The following PAICS variants were observed in gnomAD, a reference collection of about 807,000 sequenced individuals.
PAICS encodes phosphoribosylaminoimidazole carboxylase and phosphoribosylaminoimidazolesuccinocarboxamide synthase.
Under a neutral mutation model 53.7 loss-of-function variants are expected in PAICS, and 33 were observed. The ratio of observed to expected loss-of-function variants is 0.61; its 90% confidence interval spans 0.47 to 0.82. PAICS has a LOEUF of 0.82. Among genes scored for constraint, PAICS ranks in the 40% least tolerant of loss-of-function variants. The probability of loss-of-function intolerance (pLI) is 0.00; values close to 1 mark genes in which losing one functional copy is unlikely to be tolerated. For missense variants in PAICS, 394 were observed against 494.1 expected, an observed-to-expected ratio of 0.80 and a Z score of 1.92; for synonymous variants, 141 against 167.2, an observed-to-expected ratio of 0.84 and a Z score of 1.21.
chr4:56,464,014 C>T lies in PAICS; in HGVS notation c.*4476C>T, dbSNP rs1213065895. On this transcript the variant is annotated 3_prime_UTR_variant, in exon 9 of 9. Coordinates refer to ENST00000512576, the MANE Select transcript of PAICS (RefSeq NM_001079524.2). ...ACTGCTGGGACATCCATTTCGTGCC[C>T]CCAGATGTTGGTGCTCCTGGTCCTC... 6.6e-6 allele frequency: 1 copy of T among 152,146 alleles called. No individual in the cohort carries two copies. Among genetic ancestry groups the T allele is most frequent in the Non-Finnish European group, 1.5e-5 (1 of 68,082 alleles). The allele number at this position is 152,146 out of a possible 1,614,324, so 9.4% of individuals were successfully genotyped here.
chr4:56,414,331 C>G, the PAICS span: 26 of 152,210 alleles, frequency 1.7e-4, no homozygotes, highest in African/African-American at 5.8e-4. Context: ...GGATAGGCCA[C>G]TTGTTAGGCA....
upstream of PAICS, chr4:56,435,644 G>T: frequency 1.4e-6 from 2 of 1,434,060 alleles, no homozygotes; most frequent in Non-Finnish European, 1.9e-6. Context: ...CCTAGGTGGC[G>T]TGGCCAGCTC....
chr4:56,426,609 T>C, the PAICS span, among the ~76,000 whole-genome samples: 1 of 152,184 alleles, frequency 6.6e-6, no homozygotes. Flanking sequence ...AGTATTTCAT[T>C]CCTTTTTATG....
chr4:56,428,508 T>C, the PAICS span, among the ~76,000 whole-genome samples: 3 of 152,168 alleles, frequency 2.0e-5, no homozygotes, highest in Non-Finnish European at 4.4e-5. Flanking sequence ...TATAGCATTT[T>C]ACAAAGAAAA....
chr4:56,449,805 C>CAA lies in PAICS; in HGVS notation c.688-794_688-793dup, dbSNP rs753536092. ...AGGCCAAGATAGTGAAACCTTGTCTCAAAAAAAAAAAAAAAAAAAAATTAG... is the reference window on the plus strand; with the variant it reads ...AGGCCAAGATAGTGAAACCTTGTCTCAAAAAAAAAAAAAAAAAAAAAAATTAG... On this transcript the variant is annotated intron_variant, in intron 5 of 8. Coordinates refer to ENST00000512576, the MANE Select transcript of PAICS (RefSeq NM_001079524.2). Among the ~76,000 whole-genome samples the CAA allele has an allele frequency of 6.8e-3, 628 of 92,578 alleles. 4 individuals are homozygous for CAA. Among genetic ancestry groups the CAA allele is most frequent in the African/African-American group, 0.016 (378 of 24,248 alleles). The allele number at this position is 92,578 out of a possible 152,430, so 60.7% of individuals were successfully genotyped here.
upstream of PAICS, chr4:56,431,412 T>TG: frequency 1.0e-6 from 1 of 979,884 alleles, no homozygotes; most frequent in African/African-American, 1.7e-5. Context: ...TTCTGTACTC[T>TG]GTTTGCAGAA....
chr4:56,439,164 A>G (rs1277805099), intron 1 of PAICS, among the ~76,000 whole-genome samples: 2 of 152,204 alleles, frequency 1.3e-5, no homozygotes, highest in Non-Finnish European at 2.9e-5. Context: ...TTAGATACAA[A>G]CTTTGCCCGG....
the PAICS span, among the ~76,000 whole-genome samples, chr4:56,425,080 T>G: frequency 1.3e-5 from 2 of 152,160 alleles, no homozygotes; most frequent in East Asian, 3.8e-4. Context: ...TAGCAAAACA[T>G]ATTTCCAAAA....
upstream of PAICS, among the ~76,000 whole-genome samples, chr4:56,433,578 T>C (rs986760804): frequency 6.6e-6 from 1 of 151,968 alleles, no homozygotes; most frequent in Non-Finnish European, 1.5e-5. Flanking sequence ...TGAATAACTT[T>C]GGCAAAAAAA....
the PAICS span, chr4:56,420,837 G>C: frequency 6.6e-6 from 1 of 152,192 alleles, no homozygotes; most frequent in East Asian, 1.9e-4. Context: ...TTGAGATACA[G>C]TACATACACA....
chr4:56,441,765 C>T lies in PAICS; in HGVS notation c.119C>T (p.Thr40Ile), dbSNP rs370569487. ...KVLLQSKDQI[T>I]AGNAARKNHL... ...CTCCTGCAGTCCAAGGACCAGATTACAGCAGGAAATGCAGCTAGAAAAAAC... is the reference window on the plus strand; with the variant it reads ...CTCCTGCAGTCCAAGGACCAGATTATAGCAGGAAATGCAGCTAGAAAAAAC... Residue 40 changes from threonine (T) to isoleucine (I), a missense_variant, in exon 2 of 9, where the codon ACA becomes ATA. Physicochemically the swap from Thr to Ile is moderately conservative, Grantham distance 89. This residue lies in a region of PAICS where 168 missense variants were observed against 199.3 expected (regional missense o/e 0.84). Coordinates refer to ENST00000512576, the MANE Select transcript of PAICS (RefSeq NM_001079524.2). The T allele has an allele frequency of 8.7e-6, 14 of 1,604,976 alleles. No homozygotes were observed. The highest frequency in any genetic ancestry group is 1.7e-5 in the Admixed American group (1 of 58,618).
intron 8 of PAICS, among the ~76,000 whole-genome samples, chr4:56,457,446 G>C (rs1719271155): frequency 6.6e-6 from 1 of 152,046 alleles, no homozygotes; most frequent in Admixed American, 6.6e-5. Flanking sequence ...AATTGCTACA[G>C]TGCTTTAAAG....
the PAICS span, chr4:56,423,601 G>A: frequency 6.6e-6 from 1 of 151,838 alleles, no homozygotes; most frequent in Non-Finnish European, 1.5e-5. Context: ...ACTTACTTAA[G>A]TACAACCTCA....
the PAICS span, chr4:56,422,135 G>A: frequency 2.0e-5 from 3 of 152,124 alleles, no homozygotes; most frequent in Admixed American, 6.5e-5. Flanking sequence ...TTAGCTAGGT[G>A]TGGTGGCACA....
At chr4:56,452,178 C>T in intron 7 of PAICS, 126 bp downstream of exon 7, 3 of 633,016 alleles carry the variant, frequency 4.7e-6, no homozygotes, top group Non-Finnish European at 8.1e-6. Context: ...ACATGATATA[C>T]TAGGCTTTCT....
chr4:56,450,913 G>A (rs1718877598), intron 6 of PAICS: 3 of 423,354 alleles, frequency 7.1e-6, no homozygotes, highest in African/African-American at 4.1e-5. Context: ...CGCCTCCCGG[G>A]TTCACGCCAT....
At chr4:56,421,567 C>A in the PAICS span, 1 of 152,134 alleles carries the variant, frequency 6.6e-6, no homozygotes, top group Admixed American at 6.5e-5. Flanking sequence ...CACAGTGTCT[C>A]CGGATTTTAT....
At position 56,451,902 on chromosome 4, in the gene PAICS, G is replaced by C. The variant is rs993469644; in HGVS notation, c.802G>C (p.Val268Leu). 6.2e-7 allele frequency: 1 copy of C among 1,606,398 alleles called. No homozygotes were observed. The highest frequency in any genetic ancestry group is 1.3e-5 in the African/African-American group (1 of 74,728). The change falls in exon 7 of 9, where the codon GTT becomes CTT. Residue 268 changes from valine (V) to leucine (L), a missense_variant. This residue lies in a region of PAICS where 131 missense variants were observed against 205.5 expected (regional missense o/e 0.64). Transcript: ENST00000512576. The part of the protein sequence containing the change: ...LLLKSESQCR[V>L]VVLMGSTSDL... ...TTTGAAATCAGAAAGTCAGTGCAGG[G>C]TTGTAGTGTTGATGGGCTCTACTTC...
At chr4:56,443,585 G>T (rs1578149859) in intron 2 of PAICS, among the ~76,000 whole-genome samples, 1 of 152,260 alleles carries the variant, frequency 6.6e-6, no homozygotes, top group Non-Finnish European at 1.5e-5. Flanking sequence ...TTAGCAGTCA[G>T]AAGATTACTT....
Sources: gnomAD v4.1 joint callset for allele counts (sites outside exome capture counted in the v4.1 genomes callset) on GRCh38, gnomAD v4.1.1 for gene constraint, gnomAD v4.1.1 regional missense constraint, MANE v1.5 for transcripts, NCBI Gene and HGNC (gene_info 2026-07-23, HGNC 2026-07-21) for gene names.